The following ARIH2 variants were observed in gnomAD, a reference collection of about 807,000 sequenced individuals.
ARIH2 encodes the protein ariadne RBR E3 ubiquitin protein ligase 2.
Under a neutral mutation model 79.8 loss-of-function variants are expected in ARIH2, and 12 were observed. The ratio of observed to expected loss-of-function variants is 0.15; its 90% CI spans 0.10 to 0.24. The LOEUF is 0.24. Among genes scored for constraint, ARIH2 ranks in the 10% least tolerant of loss-of-function variants. The probability of loss-of-function intolerance (pLI) is 1.00; values close to 1 mark genes in which losing one functional copy is unlikely to be tolerated. For synonymous variants in ARIH2, 224 were observed against 213.9 expected (o/e 1.05, Z -0.41); for missense variants, 301 against 618.3 (o/e 0.49, Z 5.44).
intron 3 of ARIH2, among the ~76,000 whole-genome samples, chr3:48,929,007 A>G (rs931301831): frequency 2.0e-5 from 3 of 152,188 alleles, no homozygotes; most frequent in African/African-American, 7.2e-5. Flanking sequence ...GTAGAAAACA[A>G]TAATCGGGTT....
rs951721341 is a variant in ARIH2, at chr3:48,985,222, G to A, written c.*1952G>A. On this transcript the variant is annotated 3_prime_UTR_variant, in exon 16 of 16. Coordinates refer to ENST00000356401, the MANE Select transcript of ARIH2 (RefSeq NM_006321.4). ...CTGGGCTGCAGGGCTGCCAGGTTCT[G>A]TACTTGTGTCCAGCTGTGGCCCTGG... The A allele has an allele frequency of 6.6e-6, 1 of 152,388 alleles. No individual in the cohort carries two copies. Among genetic ancestry groups the A allele is most frequent in the Non-Finnish European group, 1.5e-5 (1 of 68,182 alleles). 9.4% of individuals were successfully genotyped at this position (152,388 alleles called of 1,614,324 possible). A position where few individuals can be genotyped will look rare whatever the true frequency, so the allele number is the denominator to read the frequency against.
chr3:48,923,558 G>A (rs1243855670), intron 2 of ARIH2, among the ~76,000 whole-genome samples: 1 of 141,246 alleles, frequency 7.1e-6, no homozygotes, highest in Admixed American at 7.3e-5. Context: ...TTTCCCTCTT[G>A]TTGCCCAGGT....
intron 3 of ARIH2, among the ~76,000 whole-genome samples, chr3:48,931,304 G>C (rs1432372411): frequency 1.3e-5 from 2 of 152,148 alleles, no homozygotes; most frequent in African/African-American, 4.8e-5. Flanking sequence ...CCAGCACTAT[G>C]GGAGGCCGAG....
At chr3:48,939,941 A>G (rs1443181639) in intron 3 of ARIH2, among the ~76,000 whole-genome samples, 2 of 150,636 alleles carry the variant, frequency 1.3e-5, no homozygotes, top group Non-Finnish European at 3.0e-5. Flanking sequence ...AGAAACCCCC[A>G]GGCTGGGCAC....
In ARIH2 at chr3:48,967,133, A is replaced by T; in HGVS notation, c.396A>T (p.Thr132=). 2 of 1,613,564 alleles carry T rather than the reference A, an allele frequency of 1.2e-6. No homozygotes were observed. Among genetic ancestry groups the T allele is most frequent in the Non-Finnish European group, 1.7e-6 (2 of 1,179,688 alleles). The part of the protein sequence containing the change: ...VQPNPSKHVP[T]SHPPHHCAVC... ...GCTCTGTTTCTCTCCAGGTTCCCAC[A>T]TCCCATCCCCCTCACCACTGTGCAG... The change falls in exon 6 of 16, where the codon ACA becomes ACT. Residue 132 remains threonine, a synonymous_variant. Coordinates refer to ENST00000356401, the MANE Select transcript of ARIH2 (RefSeq NM_006321.4).
At chr3:48,968,937 G>A (rs2091985835) in intron 7 of ARIH2, among the ~76,000 whole-genome samples, 2 of 152,076 alleles carry the variant, frequency 1.3e-5, no homozygotes, top group African/African-American at 4.8e-5. Flanking sequence ...TGGCTGGAGT[G>A]CAGTGGCGCA....
chr3:48,974,276 C>T (rs1205351193), intron 9 of ARIH2, among the ~76,000 whole-genome samples: 1 of 152,206 alleles, frequency 6.6e-6, no homozygotes. Flanking sequence ...AGTCAGTGCA[C>T]TCACAAGCAC....
intron 7 of ARIH2, among the ~76,000 whole-genome samples, chr3:48,969,893 T>G (rs1478781393): frequency 1.5e-5 from 2 of 132,316 alleles, no homozygotes; most frequent in Non-Finnish European, 3.2e-5. Context: ...CAGATATATG[T>G]TTTTTTTTTT....
At chr3:48,953,627 T>G (rs967884612) in intron 3 of ARIH2, among the ~76,000 whole-genome samples, 11 of 151,618 alleles carry the variant, frequency 7.3e-5, no homozygotes, top group African/African-American at 1.9e-4. Context: ...GGTCTCGATC[T>G]CCTGATCTCA....
In ARIH2 at chr3:48,918,866, G is replaced by A. The variant is rs1166521699; in HGVS notation, c.-294G>A. On this transcript the variant is annotated 5_prime_UTR_variant, in exon 1 of 16. Coordinates refer to ENST00000356401, the MANE Select transcript of ARIH2 (RefSeq NM_006321.4). ...CGGAGCTGTGGGGACGACTCTTCTG[G>A]AGGAAGCAGCGCGGGCTTGACCGGC... The A allele has an allele frequency of 1.2e-6, 2 of 1,610,392 alleles. No homozygotes were observed. The highest frequency in any genetic ancestry group is 1.7e-4 in the Middle Eastern group (1 of 5,980).
intron 8 of ARIH2, among the ~76,000 whole-genome samples, chr3:48,971,890 C>A (rs1355475921): frequency 1.3e-5 from 2 of 152,198 alleles, no homozygotes; most frequent in Non-Finnish European, 1.5e-5. Flanking sequence ...AGGGCCTTTT[C>A]TAGCCACAAA....
At chr3:48,973,575 C>T in intron 8 of ARIH2, 124 bp from the exon 9 acceptor site, 1 of 429,676 alleles carries the variant, frequency 2.3e-6, no homozygotes, top group Non-Finnish European at 3.9e-6. Context: ...GACTCTGTCT[C>T]AAAAAAAAAA....
At chr3:48,931,462 T>A (rs2086344652) in intron 3 of ARIH2, among the ~76,000 whole-genome samples, 1 of 151,498 alleles carries the variant, frequency 6.6e-6, no homozygotes, top group South Asian at 2.1e-4. Context: ...GGCAGGAGAA[T>A]GGGTGTGAAC....
At chr3:48,973,475 G>A (rs569199028) in intron 8 of ARIH2, 5 of 358,124 alleles carry the variant, frequency 1.4e-5, no homozygotes, top group Non-Finnish European at 2.6e-5. Flanking sequence ...TACTCGGGAG[G>A]TTGAGTCAGG....
chr3:48,952,228 T>C (rs2090057499), intron 3 of ARIH2, among the ~76,000 whole-genome samples: 1 of 152,196 alleles, frequency 6.6e-6, no homozygotes, highest in Non-Finnish European at 1.5e-5. Context: ...AATTTCTAAA[T>C]GTATGCTACA....
At chr3:48,980,689 G>A (rs779324200) in intron 13 of ARIH2, among the ~76,000 whole-genome samples, 193 bp downstream of exon 13, 14 of 151,822 alleles carry the variant, frequency 9.2e-5, no homozygotes, top group Non-Finnish European at 1.9e-4. Context: ...GATGTCCAGG[G>A]GATTTATAAG....
intron 2 of ARIH2, chr3:48,924,824 G>A (rs2085331717): frequency 6.6e-6 from 1 of 152,324 alleles, no homozygotes; most frequent in Admixed American, 6.5e-5. Flanking sequence ...AGCCTCCTGA[G>A]TAGCTGGGAT....
intron 8 of ARIH2, among the ~76,000 whole-genome samples, chr3:48,971,524 T>C (rs564147457): frequency 6.6e-6 from 1 of 152,334 alleles, no homozygotes; most frequent in Admixed American, 6.5e-5. Flanking sequence ...ATTACAGGAT[T>C]GAGCCAACCG....
At chr3:48,923,189 A>G (rs951841513) in intron 2 of ARIH2, among the ~76,000 whole-genome samples, 13 of 151,894 alleles carry the variant, frequency 8.6e-5, no homozygotes, top group African/African-American at 3.1e-4. Flanking sequence ...CCTGGGCGAC[A>G]GAGCGAGACT....
Sources: gnomAD v4.1 joint callset for allele counts (sites outside exome capture counted in the v4.1 genomes callset) on GRCh38, gnomAD v4.1.1 for gene constraint, MANE v1.5 for transcripts, NCBI Gene and HGNC (gene_info 2026-07-23, HGNC 2026-07-21) for gene names.